The following COG5 variants were observed in gnomAD, a reference collection of about 807,000 sequenced individuals.
COG5 encodes the protein conserved oligomeric Golgi complex subunit 5.
COG5 carries 86 observed loss-of-function variants against 110.4 expected under a neutral mutation model. The ratio of observed to expected loss-of-function variants is 0.78; its 90% CI spans 0.65 to 0.93. The LOEUF is 0.93. COG5 is among the 40% of genes least tolerant of loss of function. The probability of loss-of-function intolerance (pLI) is 0.00; values close to 1 mark genes in which losing one functional copy is unlikely to be tolerated. For missense variants in COG5, 1,077 were observed against 987.0 expected (o/e 1.09, Z -1.22); for synonymous variants, 360 against 334.6 (o/e 1.08, Z -0.83).
At chr7:107,419,352 T>C (rs1378131541) in intron 6 of COG5, among the ~76,000 whole-genome samples, 2 of 148,674 alleles carry the variant, frequency 1.3e-5, no homozygotes, top group East Asian at 3.9e-4. Context: ...AAACCAATAA[T>C]TTAAACAAAA....
At chr7:107,438,395 TTTTC>T (rs1794488990) in intron 6 of COG5, among the ~76,000 whole-genome samples, 2 of 152,206 alleles carry the variant, frequency 1.3e-5, no homozygotes, top group African/African-American at 2.4e-5. Flanking sequence ...CTAAAACTGC[TTTTC>T]TTTGTCTTGT....
intron 18 of COG5, among the ~76,000 whole-genome samples, chr7:107,235,700 C>A (rs559101338): frequency 3.0e-4 from 46 of 152,228 alleles, no homozygotes; most frequent in Admixed American, 1.4e-3. Context: ...AAGACTCTGT[C>A]TCAAAAAGAA....
At chr7:107,225,278 T>C (rs954116801) in intron 19 of COG5, among the ~76,000 whole-genome samples, 1 of 152,244 alleles carries the variant, frequency 6.6e-6, no homozygotes, top group Non-Finnish European at 1.5e-5. Context: ...TATTGGGTAA[T>C]GTTTTAGTAC....
At chr7:107,288,279 T>C (rs756288380) in intron 12 of COG5, among the ~76,000 whole-genome samples, 13 of 152,154 alleles carry the variant, frequency 8.5e-5, no homozygotes, top group Non-Finnish European at 1.3e-4. Context: ...GGAGGACTGC[T>C]TGAGCCGGAG....
chr7:107,468,855 T>A (rs1435170888), intron 6 of COG5, among the ~76,000 whole-genome samples: 1 of 152,088 alleles, frequency 6.6e-6, no homozygotes, highest in Non-Finnish European at 1.5e-5. Flanking sequence ...TAGCCACATG[T>A]AATGTCCTCT....
At chr7:107,484,466 A>C (rs1797538247) in intron 6 of COG5, among the ~76,000 whole-genome samples, 1 of 152,160 alleles carries the variant, frequency 6.6e-6, no homozygotes, top group Non-Finnish European at 1.5e-5. Context: ...AGCATTGGTA[A>C]GATTAAAAAC....
intron 8 of COG5, among the ~76,000 whole-genome samples, chr7:107,364,849 AT>A (rs1305820556): frequency 8.5e-5 from 13 of 152,216 alleles, no homozygotes; most frequent in Non-Finnish European, 1.5e-5. Context: ...GGCTTAAAAA[AT>A]ATAGATATTA....
chr7:107,414,719 T>C (rs1478546862), intron 6 of COG5, among the ~76,000 whole-genome samples: 1 of 70,918 alleles, frequency 1.4e-5, no homozygotes, highest in Non-Finnish European at 2.2e-5. Context: ...TTTTTTTTTT[T>C]TTTTTTTTTT....
rs993067353 is a variant in COG5 at position 107,249,706 on chromosome 7, G to C, written c.1750-1207C>G. Among the ~76,000 whole-genome samples the C allele has an allele frequency of 2.4e-3, 330 of 139,348 alleles. 2 individuals are homozygous for C. The highest frequency in any genetic ancestry group is 9.7e-3 in the African/African-American group (300 of 31,028). The allele number at this position is 139,348 out of a possible 152,430, so 91.4% of individuals were successfully genotyped here. A position where few individuals can be genotyped will look rare whatever the true frequency, so the allele number is the denominator to read the frequency against. On this transcript the variant is annotated intron_variant, in intron 16 of 21. Coordinates refer to ENST00000297135, the MANE Select transcript of COG5 (RefSeq NM_006348.5). ...CGTACAGGATTGTGTGTGTGTGTGT[G>C]TGTGTGTGTGTGTGTGTGTGTGTGT...
chr7:107,220,812 C>T (rs1461927637), intron 19 of COG5, among the ~76,000 whole-genome samples: 1 of 147,636 alleles, frequency 6.8e-6, no homozygotes, highest in Non-Finnish European at 1.5e-5. Flanking sequence ...GGACTCATGC[C>T]TTCTTTTTTT....
At chr7:107,515,916 T>C (rs1799888277) in intron 6 of COG5, among the ~76,000 whole-genome samples, 1 of 152,176 alleles carries the variant, frequency 6.6e-6, no homozygotes, top group African/African-American at 2.4e-5. Flanking sequence ...TTTACCCAGG[T>C]AAATACTGTC....
intron 14 of COG5, among the ~76,000 whole-genome samples, chr7:107,265,401 C>T (rs1262836159): frequency 6.6e-6 from 1 of 152,082 alleles, no homozygotes; most frequent in African/African-American, 2.4e-5. Context: ...TCTCAGCTTC[C>T]CGAGTAGCTG....
At chr7:107,451,324 G>A (rs905823133) in intron 6 of COG5, among the ~76,000 whole-genome samples, 7 of 152,078 alleles carry the variant, frequency 4.6e-5, no homozygotes, top group African/African-American at 1.7e-4. Flanking sequence ...AGAAGATGTA[G>A]AAGAAGCAGT....
chr7:107,512,527 A>G (rs1188336564), intron 6 of COG5, among the ~76,000 whole-genome samples: 3 of 152,216 alleles, frequency 2.0e-5, no homozygotes, highest in Non-Finnish European at 4.4e-5. Context: ...GACTTTCTTC[A>G]CAGAATTGGA....
At chr7:107,233,614 C>G (rs1800935200) in intron 18 of COG5, among the ~76,000 whole-genome samples, 1 of 152,140 alleles carries the variant, frequency 6.6e-6, no homozygotes, top group African/African-American at 2.4e-5. Context: ...TTCTTGAGCT[C>G]TTTTTGTTAT....
At position 107,370,188 on chromosome 7, in the gene COG5, G is replaced by A. The variant is rs1420578590; in HGVS notation, c.835+2407C>T. 4.6e-5 allele frequency among the ~76,000 whole-genome samples: 7 copies of A among 152,034 alleles called. No individual in the cohort carries two copies. The East Asian group carries it at 1.3e-3, about 29-fold the overall frequency. ...CACCATCACACTCATGAATGCGACT[G>A]TCAATCTCCTGTGTAGTGGTTGTGT... On this transcript the variant is annotated intron_variant, in intron 8 of 21. Coordinates refer to ENST00000297135, the MANE Select transcript of COG5 (RefSeq NM_006348.5).
At chr7:107,419,197 C>A (rs1447006789) in intron 6 of COG5, among the ~76,000 whole-genome samples, 1 of 151,934 alleles carries the variant, frequency 6.6e-6, no homozygotes, top group Non-Finnish European at 1.5e-5. Context: ...ATTTTAAAGT[C>A]GTGGTATTTG....
intron 10 of COG5, 120 bp downstream of exon 10, chr7:107,361,913 C>T: frequency 1.5e-6 from 1 of 686,800 alleles, no homozygotes; most frequent in Non-Finnish European, 2.6e-6. Flanking sequence ...AAGAAATACA[C>T]TTCTCTATTG....
chr7:107,470,887 T>C (rs1488967624), intron 6 of COG5, among the ~76,000 whole-genome samples: 2 of 151,994 alleles, frequency 1.3e-5, no homozygotes, highest in Non-Finnish European at 2.9e-5. Context: ...TTCAACCACA[T>C]GAACAATTCA....
Sources: allele counts gnomAD v4.1 joint callset (sites outside exome capture counted in the v4.1 genomes callset), GRCh38; gene constraint gnomAD v4.1.1; transcripts MANE v1.5; gene names NCBI Gene and HGNC (gene_info 2026-07-23, HGNC 2026-07-21).